Variants in ADCY2 observed in about 807,000 individuals in gnomAD.
ADCY2 encodes adenylate cyclase type 2.
In ADCY2, 31 loss-of-function variants were observed where a neutral mutation model predicts 125.2. The observed-to-expected ratio is 0.25, with a 90% CI of 0.19 to 0.33. ADCY2 has a LOEUF of 0.33. ADCY2 is among the 10% of genes least tolerant of loss of function. The pLI, the probability that ADCY2 is intolerant of heterozygous loss-of-function variation, is 1.00. For synonymous variants in ADCY2, 512 were observed against 548.4 expected (o/e 0.93, Z 0.93); for missense variants, 904 against 1,418.2 (o/e 0.64, Z 5.82).
At position 7,396,622 on chromosome 5, in the gene ADCY2, CCG is replaced by C. The variant is rs1286294378; in HGVS notation, c.210+119_210+120del. 1.3e-5 allele frequency: 9 copies of C among 680,284 alleles called. No individual in the cohort carries two copies. The highest frequency in any genetic ancestry group is 1.9e-5 in the African/African-American group (1 of 52,604). The allele number at this position is 680,284 out of a possible 1,614,324, so 42.1% of individuals were successfully genotyped here. On this transcript the variant is annotated intron_variant, in intron 1 of 24. Coordinates refer to ENST00000338316, the MANE Select transcript of ADCY2 (RefSeq NM_020546.3). This position sits in a 1 kb window ranked among gnomAD's most constrained non-coding sequence, Gnocchi z 5.7. ...CCTCGGCCCGCGGCAGCCCCTCGGC[CCG>C]CGGCAGCCCCTCGGCCCGCGGCTCC...
At chr5:7,446,887 T>A (rs1741280711) in intron 2 of ADCY2, among the ~76,000 whole-genome samples, 1 of 152,240 alleles carries the variant, frequency 6.6e-6, no homozygotes, top group African/African-American at 2.4e-5. Flanking sequence ...TCTTCTACAA[T>A]GTTCTTCTAC....
intron 22 of ADCY2, among the ~76,000 whole-genome samples, chr5:7,813,573 G>A (rs1184530192): frequency 1.3e-5 from 2 of 152,198 alleles, no homozygotes; most frequent in Non-Finnish European, 2.9e-5. Flanking sequence ...AGAAATAACT[G>A]CTTCATACTG....
At chr5:7,601,271 TAA>T (rs1285502780) in intron 3 of ADCY2, among the ~76,000 whole-genome samples, 3 of 152,066 alleles carry the variant, frequency 2.0e-5, no homozygotes, top group African/African-American at 7.2e-5. Flanking sequence ...AATTTAATAT[TAA>T]GTTATTAATA....
intron 2 of ADCY2, among the ~76,000 whole-genome samples, chr5:7,499,648 G>GAT (rs70940741): frequency 0.062 from 7,294 of 117,888 alleles, 226 homozygotes; most frequent in East Asian, 0.1. Context: ...TATGTGGGTG[G>GAT]ATATATATAT....
intron 20 of ADCY2, chr5:7,799,961 A>G (rs1439612329): frequency 1.3e-5 from 2 of 152,266 alleles, no homozygotes; most frequent in Non-Finnish European, 1.5e-5. Flanking sequence ...TCCAGAGGAA[A>G]ATACAAAGGT....
intron 2 of ADCY2, among the ~76,000 whole-genome samples, chr5:7,438,913 G>C (rs1186986669): frequency 6.6e-6 from 1 of 152,138 alleles, no homozygotes; most frequent in Non-Finnish European, 1.5e-5. Context: ...AGAGAGGACA[G>C]CAGGACACAG....
At chr5:7,820,456 T>C in intron 23 of ADCY2, 109 bp from the exon 24 acceptor site, 9 of 1,400,004 alleles carry the variant, frequency 6.4e-6, no homozygotes, top group Non-Finnish European at 8.6e-6. Flanking sequence ...ATTGCGCCAC[T>C]GCACTCCAGC....
At chr5:7,707,626 C>A in intron 8 of ADCY2, 80 bp from the exon 9 acceptor site, 2 of 1,526,468 alleles carry the variant, frequency 1.3e-6, no homozygotes, top group South Asian at 1.2e-5. Flanking sequence ...TAAATTATTT[C>A]AGAAATCATG....
At chr5:7,662,221 G>A (rs1354834206) in intron 4 of ADCY2, among the ~76,000 whole-genome samples, 1 of 152,150 alleles carries the variant, frequency 6.6e-6, no homozygotes, top group Non-Finnish European at 1.5e-5. Context: ...GGGGTCTAAA[G>A]GATAACAGAA....
intron 4 of ADCY2, among the ~76,000 whole-genome samples, chr5:7,680,730 T>G (rs1467066752): frequency 6.6e-6 from 1 of 152,230 alleles, no homozygotes; most frequent in East Asian, 1.9e-4. Flanking sequence ...TGCAAGGAAA[T>G]GCATTACATG....
chr5:7,482,767 G>GATAGATATATATATATATAT (rs1554012988), intron 2 of ADCY2, among the ~76,000 whole-genome samples: 2 of 119,454 alleles, frequency 1.7e-5, no homozygotes, highest in South Asian at 5.3e-4. Context: ...AAGAAAATGT[G>GATAGATATATATATATATAT]ATATATATAT....
chr5:7,767,756 C>T (rs763459196), intron 17 of ADCY2, among the ~76,000 whole-genome samples: 52 of 152,002 alleles, frequency 3.4e-4, no homozygotes, highest in Non-Finnish European at 6.2e-4. Context: ...CTGGGCCAGG[C>T]GGGGTGGCTC....
At chr5:7,538,835 CTTTTTTCT>C (rs1353033563) in intron 3 of ADCY2, among the ~76,000 whole-genome samples, 4 of 146,240 alleles carry the variant, frequency 2.7e-5, no homozygotes, top group African/African-American at 9.9e-5. Context: ...ATATAAATTT[CTTTTTTCT>C]TTTTTTCTTT....
chr5:7,542,856 C>T (rs531311186), intron 3 of ADCY2, among the ~76,000 whole-genome samples: 9 of 152,340 alleles, frequency 5.9e-5, no homozygotes, highest in African/African-American at 1.4e-4. Context: ...CAAGTGGACA[C>T]ATAAAACTAT....
At chr5:7,469,900 G>A (rs79807604) in intron 2 of ADCY2, among the ~76,000 whole-genome samples, 6,666 of 151,240 alleles carry the variant, frequency 0.044, 455 homozygotes, top group African/African-American at 0.15. Flanking sequence ...GTAAGGCTTT[G>A]TTGTTTTCTA....
chr5:7,801,918 C>G (rs1744609775), intron 20 of ADCY2: 1 of 278,926 alleles, frequency 3.6e-6, no homozygotes, highest in Non-Finnish European at 6.7e-6. Context: ...TGAAAGGACA[C>G]TTTTTACTAA....
At chr5:7,465,465 A>G (rs1382213708) in intron 2 of ADCY2, among the ~76,000 whole-genome samples, 1 of 152,140 alleles carries the variant, frequency 6.6e-6, no homozygotes, top group African/African-American at 2.4e-5. Flanking sequence ...AAAGCCCTCC[A>G]CAAGCCTCCG....
chr5:7,826,877 C>A lies in ADCY2; in HGVS notation c.*6C>A. On this transcript the variant is annotated 3_prime_UTR_variant, in exon 25 of 25. Transcript: ENST00000338316. Reference sequence around the variant, plus strand: ...AGAGCAACGTGGCATCCTGAAGAGTCACCTTCATTTTGGCAAGAAGACTGT... The same window carrying A: ...AGAGCAACGTGGCATCCTGAAGAGTAACCTTCATTTTGGCAAGAAGACTGT... 6.3e-7 allele frequency: 1 copy of A among 1,594,444 alleles called. No individual in the cohort carries two copies. Among genetic ancestry groups the A allele is most frequent in the Admixed American group, 1.8e-5 (1 of 55,730 alleles).
chr5:7,700,486 G>C (rs1482140692), intron 7 of ADCY2, among the ~76,000 whole-genome samples: 2 of 120,574 alleles, frequency 1.7e-5, no homozygotes, highest in Non-Finnish European at 3.3e-5. Context: ...TAAATGATTT[G>C]ACCTTATCCT....
Sources: allele counts gnomAD v4.1 joint callset (sites outside exome capture counted in the v4.1 genomes callset), GRCh38; gene constraint gnomAD v4.1.1; non-coding constraint Gnocchi (gnomAD v3.1); transcripts MANE v1.5; gene names NCBI Gene and HGNC (gene_info 2026-07-23, HGNC 2026-07-21).